The following ATM variants were observed in gnomAD, a reference collection of about 807,000 sequenced individuals.
ATM encodes ATM serine/threonine kinase.
A neutral mutation model predicts 387.0 loss-of-function variants in ATM; 308 were observed. The ratio of observed to expected loss-of-function variants is 0.80; its 90% confidence interval spans 0.73 to 0.87. ATM has a LOEUF of 0.87. Ranked by LOEUF, ATM falls within the 40% of genes least tolerant of loss-of-function variation. ATM has a pLI of 0.00. For missense variants in ATM, 3,312 were observed against 3,560.9 expected, an observed-to-expected ratio of 0.93 and a Z score of 1.78; for synonymous variants, 1,156 against 1,187.3, an observed-to-expected ratio of 0.97 and a Z score of 0.54.
chr11:108,316,490 G>A (rs575844560), intron 42 of ATM, among the ~76,000 whole-genome samples: 2 of 152,166 alleles, frequency 1.3e-5, no homozygotes, highest in South Asian at 4.2e-4. Context: ...CAACAGAGTT[G>A]GTCCCAGAAC....
chr11:108,317,646 TATATATACAC>T (rs1314803693), intron 43 of ATM, 125 bp downstream of exon 43: 66 of 141,946 alleles, frequency 4.6e-4, no homozygotes, highest in East Asian at 2.4e-3. Flanking sequence ...TATATATATA[TATATATACAC>T]ACACACACAC....
chr11:108,282,481 A>T (rs958496937), intron 24 of ATM, among the ~76,000 whole-genome samples: 3 of 152,076 alleles, frequency 2.0e-5, no homozygotes, highest in African/African-American at 7.2e-5. Context: ...AACTCTTAGC[A>T]TATTTTTATA....
chr11:108,363,751 A>C (rs2091049256), intron 61 of ATM, among the ~76,000 whole-genome samples: 1 of 152,142 alleles, frequency 6.6e-6, no homozygotes, highest in Non-Finnish European at 1.5e-5. Flanking sequence ...ACTGAAACAT[A>C]ATTTTTTACT....
At chr11:108,225,649 T>A (rs566724059) in intron 1 of ATM, 1 of 152,322 alleles carries the variant, frequency 6.6e-6, no homozygotes, top group South Asian at 2.1e-4. Context: ...AATTTTTGTA[T>A]TTTTAGTAGA....
chr11:108,254,237 C>T (rs1467532065), intron 13 of ATM, among the ~76,000 whole-genome samples, 198 bp downstream of exon 13: 1 of 151,990 alleles, frequency 6.6e-6, no homozygotes, highest in Non-Finnish European at 1.5e-5. Context: ...TTGAGTACTT[C>T]CTTTGTACTG....
At chr11:108,258,389 T>C (rs2080640849) in intron 15 of ATM, among the ~76,000 whole-genome samples, 1 of 152,206 alleles carries the variant, frequency 6.6e-6, no homozygotes, top group Non-Finnish European at 1.5e-5. Flanking sequence ...GACACTTTCA[T>C]TCATTTAATA....
intron 61 of ATM, 34 bp from the exon 62 acceptor site, chr11:108,365,048 T>C (rs530540893): frequency 6.2e-6 from 10 of 1,609,672 alleles, no homozygotes; most frequent in East Asian, 2.2e-5. Context: ...AAAATGTACA[T>C]TGTTCTTTTA....
At chr11:108,241,630 G>C (rs1276180846) in intron 5 of ATM, among the ~76,000 whole-genome samples, 1 of 151,466 alleles carries the variant, frequency 6.6e-6, no homozygotes, top group Non-Finnish European at 1.5e-5. Flanking sequence ...TGTGACTGTG[G>C]TTGGAATCAT....
intron 52 of ATM, 47 bp downstream of exon 52, chr11:108,332,084 C>G: frequency 6.3e-7 from 1 of 1,599,746 alleles, no homozygotes; most frequent in Non-Finnish European, 8.6e-7. Flanking sequence ...GATATTCAGT[C>G]TTTCCTAGAA....
At chr11:108,357,930 A>T (rs1483025458) in intron 61 of ATM, among the ~76,000 whole-genome samples, 1 of 150,864 alleles carries the variant, frequency 6.6e-6, no homozygotes, top group African/African-American at 2.4e-5. Flanking sequence ...CAGCAACGGA[A>T]CAAAGCTGGA....
At chr11:108,294,126 T>C (rs1269754516) in intron 31 of ATM, among the ~76,000 whole-genome samples, 1 of 151,908 alleles carries the variant, frequency 6.6e-6, no homozygotes, top group Non-Finnish European at 1.5e-5. Context: ...TAAGGTCCAC[T>C]GATAGCTCAA....
At chr11:108,277,093 G>C (rs1252960051) in intron 22 of ATM, among the ~76,000 whole-genome samples, 1 of 152,068 alleles carries the variant, frequency 6.6e-6, no homozygotes, top group Non-Finnish European at 1.5e-5. Context: ...GAGGCAGTCT[G>C]GCTACAGTGG....
chr11:108,353,507 A>AT (rs1239697603), intron 59 of ATM, among the ~76,000 whole-genome samples: 1 of 152,162 alleles, frequency 6.6e-6, no homozygotes, highest in Non-Finnish European at 1.5e-5. Flanking sequence ...TAGTTACTTC[A>AT]TTTTTAAAAA....
At position 108,297,391 on chromosome 11, in the gene ATM, C is replaced by T. The variant is rs730881291; in HGVS notation, c.5005+9C>T. ...TGAAAAAGAAGTTCTAGGTAAACTA[C>T]AGTCATGCGCTGCGTGACATTTCAG... On this transcript the variant is annotated intron_variant, in intron 33 of 62. Coordinates refer to ENST00000675843, the MANE Select transcript of ATM (RefSeq NM_000051.4). The T allele has an allele frequency of 1.5e-5, 24 of 1,600,460 alleles. No homozygotes were observed. The highest frequency in any genetic ancestry group is 4.3e-6 in the Non-Finnish European group (5 of 1,167,868).
chr11:108,282,523 G>T (rs2082284477), intron 24 of ATM, among the ~76,000 whole-genome samples, 187 bp from the exon 25 acceptor site: 1 of 152,140 alleles, frequency 6.6e-6, no homozygotes. Flanking sequence ...TTAAGGGTTT[G>T]CTATGTGTCA....
intron 57 of ATM, among the ~76,000 whole-genome samples, chr11:108,345,136 T>TGA (rs2088161730): frequency 6.6e-6 from 1 of 152,062 alleles, no homozygotes; most frequent in Admixed American, 6.5e-5. Context: ...TTGCCAGAGA[T>TGA]GAAGTATTTG....
At chr11:108,298,694 C>T (rs897019847) in intron 33 of ATM, among the ~76,000 whole-genome samples, 2 of 151,926 alleles carry the variant, frequency 1.3e-5, no homozygotes, top group Non-Finnish European at 2.9e-5. Flanking sequence ...CTAGCCAGAG[C>T]AATTAAACAA....
intron 33 of ATM, chr11:108,299,446 C>T (rs546138261): frequency 4.8e-5 from 17 of 354,146 alleles, no homozygotes; most frequent in South Asian, 1.4e-4. Flanking sequence ...TACGGGCCTG[C>T]GCCACCACGC....
intron 33 of ATM, 174 bp from the exon 34 acceptor site, chr11:108,299,540 G>C: frequency 3.5e-6 from 2 of 570,582 alleles, no homozygotes; most frequent in Non-Finnish European, 3.1e-6. Flanking sequence ...CAGGTGATCC[G>C]CCCGCCTCTG....
Sources: gnomAD v4.1 joint callset for allele counts (sites outside exome capture counted in the v4.1 genomes callset) on GRCh38, gnomAD v4.1.1 for gene constraint, MANE v1.5 for transcripts, NCBI Gene and HGNC (gene_info 2026-07-23, HGNC 2026-07-21) for gene names.